The following APBA2 variants were observed in gnomAD, a reference collection of about 807,000 sequenced individuals.
The protein encoded by APBA2 is amyloid beta precursor protein binding family A member 2.
A neutral mutation model predicts 75.0 loss-of-function variants in APBA2; 30 were observed. The ratio of observed to expected loss-of-function variants is 0.40; its 90% CI spans 0.30 to 0.54. The LOEUF is 0.54. Ranked by LOEUF, APBA2 falls within the 20% of genes least tolerant of loss-of-function variation. The pLI is 0.49. For missense variants in APBA2, 801 were observed against 1,016.1 expected, an observed-to-expected ratio of 0.79 and a Z score of 2.88; for synonymous variants, 444 against 409.6, an observed-to-expected ratio of 1.08 and a Z score of -1.01.
chr15:28,895,273 G>A lies in APBA2; in HGVS notation c.-205+8995G>A, dbSNP rs148156084. Among the ~76,000 whole-genome samples the A allele has an allele frequency of 3.1e-3, 475 of 152,288 alleles. 6 individuals carry two copies. Among genetic ancestry groups the A allele is most frequent in the African/African-American group, 0.011 (453 of 41,568 alleles). On this transcript the variant is annotated intron_variant, in intron 1 of 14. Transcript: ENST00000683413. ...TGTGGCCTCCCTGCTGCTGGCCTCC[G>A]GTGGCTGGCCTCAGCCTGGCTGGGC...
chr15:29,106,896 A>G lies in APBA2; in HGVS notation c.1917+77A>G, dbSNP rs368128545. ...TCATCCCCACTTTGCTGCAATCCCC[A>G]CTTCACTGCAATCCCCACTTCACCC... On this transcript the variant is annotated intron_variant, in intron 12 of 14. Transcript: ENST00000683413. The G allele has an allele frequency of 1.5e-5, 20 of 1,363,570 alleles. No individual in the cohort carries two copies. In the East Asian group the frequency reaches 4.5e-4, roughly 31 times the overall value. The allele number at this position is 1,363,570 out of a possible 1,614,324, so 84.5% of individuals were successfully genotyped here. A position where few individuals can be genotyped will look rare whatever the true frequency, so the allele number is the denominator to read the frequency against.
intron 10 of APBA2, among the ~76,000 whole-genome samples, chr15:29,103,809 T>C (rs2044255701): frequency 1.3e-5 from 2 of 152,158 alleles, no homozygotes; most frequent in African/African-American, 4.8e-5. Context: ...AGCAGAGGCC[T>C]GGGGGCCGCC....
chr15:28,995,674 T>C (rs895006229), intron 2 of APBA2, 79 bp from the exon 3 acceptor site: 1 of 152,222 alleles, frequency 6.6e-6, no homozygotes, highest in African/African-American at 2.4e-5. Context: ...ATTTTTATAC[T>C]TGAAGGAGCT....
Position 29,101,703 on chromosome 15 carries a change from G to A in APBA2, c.1443G>A (p.Gln481=). The A allele has an allele frequency of 6.2e-7, 1 of 1,613,710 alleles. No individual in the cohort carries two copies. Among genetic ancestry groups the A allele is most frequent in the Non-Finnish European group, 8.5e-7 (1 of 1,180,042 alleles). The stretch of plus-strand genomic sequence containing the variant: ...GCCGCATGCCCCGGTCAGCCTCTCA[G>A]GACTGCATCGAGACCACGCCCGGGG... The part of the protein sequence containing the change: ...ARRRMPRSAS[Q]DCIETTPGAQ... Residue 481 remains glutamine (Q), a synonymous_variant, in exon 10 of 15, where the codon CAG becomes CAA. Coordinates refer to ENST00000683413, the MANE Select transcript of APBA2 (RefSeq NM_001353788.2).
chr15:28,947,307 A>G (rs4779942), intron 2 of APBA2, among the ~76,000 whole-genome samples: 44,685 of 152,078 alleles, frequency 0.29, 10,666 homozygotes, highest in African/African-American at 0.64. Context: ...GCTGCTCCCC[A>G]TCCCTCTGTG....
At chr15:28,952,375 TAAAA>T (rs931963484) in intron 2 of APBA2, among the ~76,000 whole-genome samples, 1 of 147,198 alleles carries the variant, frequency 6.8e-6, no homozygotes. Flanking sequence ...ACAAAAAAAT[TAAAA>T]AAAAAAGCCA....
intron 1 of APBA2, among the ~76,000 whole-genome samples, chr15:28,899,461 A>G (rs1212926739): frequency 2.0e-5 from 3 of 152,216 alleles, no homozygotes; most frequent in African/African-American, 7.2e-5. Context: ...ACTCAGCTTC[A>G]TGGGCCACAG....
At chr15:29,089,688 G>A (rs2043463235) in intron 6 of APBA2, among the ~76,000 whole-genome samples, 1 of 152,176 alleles carries the variant, frequency 6.6e-6, no homozygotes, top group Non-Finnish European at 1.5e-5. Flanking sequence ...TTTCCTAAGC[G>A]GTGTTTCAAA....
Position 29,106,685 on chromosome 15 carries a change from G to C in APBA2, c.1783G>C (p.Val595Leu), listed in dbSNP as rs1179578585. 2 of 1,613,068 alleles carry C rather than the reference G, an allele frequency of 1.2e-6. No homozygotes were observed. Among genetic ancestry groups the C allele is most frequent in the Non-Finnish European group, 1.7e-6 (2 of 1,180,002 alleles). Residue 595 changes from valine (V) to leucine (L), a missense_variant, in exon 12 of 15, where the codon GTG (valine) becomes CTG (leucine). By Grantham distance (32) the Val-to-Leu change is conservative. Coordinates refer to ENST00000683413, the MANE Select transcript of APBA2 (RefSeq NM_001353788.2). ...GGGCTGGGGCTCCATCCTGCCCACG[G>C]TGATCCTGGCCAACATGATGAATGG... ...ESGWGSILPT[V>L]ILANMMNGGP... is the part of the protein sequence containing the mutation.
In APBA2 at chr15:29,054,813, G is replaced by A. The variant is rs2041806183; in HGVS notation, c.929G>A (p.Arg310Lys). 1 of 1,600,186 alleles carries A rather than the reference G, an allele frequency of 6.2e-7. No homozygotes were observed. Among genetic ancestry groups the A allele is most frequent in the Non-Finnish European group, 8.5e-7 (1 of 1,179,842 alleles). Residue 310 changes from arginine to lysine, a missense_variant, in exon 4 of 15, where the codon AGG (arginine) becomes AAG (lysine). Physicochemically the swap from Arg to Lys is conservative, Grantham distance 26. This residue lies in a region of APBA2 where 434 missense variants were observed against 471.6 expected (regional missense o/e 0.92). Transcript: ENST00000683413. The surrounding 1 kb of genome is among the most constrained non-coding windows in gnomAD (Gnocchi z 6.1). Reference sequence around the variant, plus strand: ...CCCAAGACCAGGACCCCAGAAGAGAGGCTGAAGTGGCCCCACGAGCAGGTA... The same window carrying A: ...CCCAAGACCAGGACCCCAGAAGAGAAGCTGAAGTGGCCCCACGAGCAGGTA... ...FKPKTRTPEE[R>K]LKWPHEQVCN...
chr15:28,914,913 A>C (rs1344395653), intron 1 of APBA2, among the ~76,000 whole-genome samples: 7 of 151,628 alleles, frequency 4.6e-5, no homozygotes, highest in Admixed American at 4.6e-4. Context: ...ACAGGTGTGC[A>C]TGTGTGTGCA....
intron 8 of APBA2, among the ~76,000 whole-genome samples, chr15:29,098,225 A>C (rs931344431): frequency 6.6e-6 from 1 of 152,142 alleles, no homozygotes; most frequent in African/African-American, 2.4e-5. Flanking sequence ...AGGAACCGCC[A>C]TTCTATTCTC....
At chr15:29,067,202 C>G (rs1187992275) in intron 4 of APBA2, among the ~76,000 whole-genome samples, 7 of 152,174 alleles carry the variant, frequency 4.6e-5, no homozygotes, top group Non-Finnish European at 1.0e-4. Flanking sequence ...CTACCAGGCC[C>G]CACTTCCAGC....
intron 1 of APBA2, among the ~76,000 whole-genome samples, chr15:28,895,145 C>T (rs779027334): frequency 7.2e-5 from 11 of 152,254 alleles, no homozygotes; most frequent in Admixed American, 3.9e-4. Flanking sequence ...AACTGGCTCA[C>T]CCAGCCTTAA....
At chr15:28,898,061 C>T (rs141338435) in intron 1 of APBA2, among the ~76,000 whole-genome samples, 1,954 of 152,196 alleles carry the variant, frequency 0.013, 29 homozygotes, top group Admixed American at 0.025. Flanking sequence ...CAGGGAGCAC[C>T]GGCAGCTGGG....
intron 8 of APBA2, among the ~76,000 whole-genome samples, chr15:29,095,813 G>A (rs963295399): frequency 1.3e-5 from 2 of 152,162 alleles, no homozygotes; most frequent in Admixed American, 6.5e-5. Flanking sequence ...TCCTCTTCCC[G>A]GGCTGATTTC....
At chr15:28,980,989 A>C (rs2037591819) in intron 2 of APBA2, among the ~76,000 whole-genome samples, 1 of 152,214 alleles carries the variant, frequency 6.6e-6, no homozygotes, top group Non-Finnish European at 1.5e-5. Context: ...AGCCTTATGC[A>C]GAAGAATGAA....
At chr15:28,894,565 G>C (rs542818360) in intron 1 of APBA2, among the ~76,000 whole-genome samples, 2 of 152,284 alleles carry the variant, frequency 1.3e-5, no homozygotes, top group African/African-American at 4.8e-5. Flanking sequence ...GCCTGGAATG[G>C]GGCACCCTGG....
intron 9 of APBA2, among the ~76,000 whole-genome samples, chr15:29,098,928 G>A (rs544453981): frequency 4.4e-4 from 67 of 152,278 alleles, no homozygotes; most frequent in African/African-American, 1.5e-3. Context: ...ACCCAGTGCC[G>A]TGCCCTGACC....
Sources: gnomAD v4.1 joint callset for allele counts (sites outside exome capture counted in the v4.1 genomes callset) on GRCh38, gnomAD v4.1.1 for gene constraint, gnomAD v4.1.1 regional missense constraint, Gnocchi (gnomAD v3.1) non-coding constraint, MANE v1.5 for transcripts, NCBI Gene and HGNC (gene_info 2026-07-23, HGNC 2026-07-21) for gene names.